EPHA3: variants seen among roughly 807,000 people sequenced by gnomAD.
The protein encoded by EPHA3 is ephrin type-A receptor 3.
EPHA3 carries 42 observed loss-of-function variants against 107.1 expected under a neutral mutation model. The observed-to-expected ratio is 0.39, with a 90% CI of 0.31 to 0.51. The LOEUF (loss-of-function observed/expected upper bound fraction) is 0.51. EPHA3 is among the 20% of genes least tolerant of loss of function. The probability of loss-of-function intolerance (pLI) is 0.78; values close to 1 mark genes in which losing one functional copy is unlikely to be tolerated. For missense variants in EPHA3, 1,183 were observed against 1,211.2 expected, an observed-to-expected ratio of 0.98 and a Z score of 0.35; for synonymous variants, 461 against 424.8, an observed-to-expected ratio of 1.09 and a Z score of -1.05.
chr3:89,342,173 AGG>A, intron 5 of EPHA3, 83 bp downstream of exon 5: 1 of 1,271,950 alleles, frequency 7.9e-7, no homozygotes, highest in Non-Finnish European at 1.1e-6. Context: ...ACTGGGCGGA[AGG>A]AAAAAAAGAT....
intron 3 of EPHA3, among the ~76,000 whole-genome samples, chr3:89,308,909 T>G (rs1022017117): frequency 4.6e-5 from 7 of 152,146 alleles, no homozygotes; most frequent in Non-Finnish European, 7.4e-5. Context: ...ATTCAGTCTT[T>G]TCTTAGACTA....
At chr3:89,356,068 G>C (rs1707946717) in intron 5 of EPHA3, among the ~76,000 whole-genome samples, 1 of 139,322 alleles carries the variant, frequency 7.2e-6, no homozygotes, top group Non-Finnish European at 1.5e-5. Context: ...TCACCTATGA[G>C]TGAGAATATA....
At chr3:89,180,964 A>G (rs1221747776) in intron 2 of EPHA3, among the ~76,000 whole-genome samples, 1 of 151,976 alleles carries the variant, frequency 6.6e-6, no homozygotes, top group African/African-American at 2.4e-5. Context: ...TGATAAACCA[A>G]GTGACTGATA....
chr3:89,337,069 A>T (rs907228375), intron 3 of EPHA3, among the ~76,000 whole-genome samples: 1 of 151,736 alleles, frequency 6.6e-6, no homozygotes, highest in African/African-American at 2.4e-5. Context: ...AAAAAAAGAA[A>T]AAAAAAAAAA....
At chr3:89,386,956 A>AT (rs1351998200) in intron 5 of EPHA3, among the ~76,000 whole-genome samples, 1 of 152,172 alleles carries the variant, frequency 6.6e-6, no homozygotes, top group African/African-American at 2.4e-5. Context: ...GAATAGGTGT[A>AT]TTTAGCCAAT....
chr3:89,113,744 G>A (rs972209261), intron 1 of EPHA3, among the ~76,000 whole-genome samples: 5 of 110,264 alleles, frequency 4.5e-5, no homozygotes, highest in Admixed American at 1.1e-4. Context: ...GAGGTGGGGG[G>A]GGGCTGCATT....
intron 3 of EPHA3, among the ~76,000 whole-genome samples, chr3:89,270,438 T>C (rs890405737): frequency 2.6e-5 from 4 of 152,214 alleles, no homozygotes; most frequent in Middle Eastern, 3.4e-3. Context: ...GTTTTAGTCA[T>C]GTAGACAGCT....
intron 3 of EPHA3, among the ~76,000 whole-genome samples, chr3:89,222,755 A>C (rs1415449192): frequency 3.3e-5 from 5 of 151,988 alleles, no homozygotes; most frequent in Non-Finnish European, 7.4e-5. Context: ...CTGCTTTTAG[A>C]ATGAGGCAGC....
chr3:89,458,436 G>A (rs1393307988), intron 15 of EPHA3, among the ~76,000 whole-genome samples: 1 of 152,070 alleles, frequency 6.6e-6, no homozygotes, highest in Non-Finnish European at 1.5e-5. Flanking sequence ...GATTCAAACG[G>A]TATTAACAAA....
chr3:89,177,853 C>A (rs550896987), intron 2 of EPHA3, among the ~76,000 whole-genome samples: 15 of 152,098 alleles, frequency 9.9e-5, no homozygotes, highest in Non-Finnish European at 1.6e-4. Flanking sequence ...TTCCCTCACT[C>A]GTTTTATTCT....
At chr3:89,147,273 C>T (rs1704582137) in intron 2 of EPHA3, among the ~76,000 whole-genome samples, 1 of 151,604 alleles carries the variant, frequency 6.6e-6, no homozygotes, top group African/African-American at 2.4e-5. Context: ...ATAGGTACAT[C>T]AAACTGCCAT....
At chr3:89,437,320 C>T (rs756590204) in intron 13 of EPHA3, among the ~76,000 whole-genome samples, 7 of 151,878 alleles carry the variant, frequency 4.6e-5, no homozygotes, top group African/African-American at 9.7e-5. Context: ...CAGCTGCATA[C>T]CAAAGTTTGC....
Position 89,399,406 on chromosome 3 carries a change from T to A in EPHA3, c.1520T>A (p.Phe507Tyr). The change falls in exon 7 of 17, where the codon TTC becomes TAC. Residue 507 changes from phenylalanine to tyrosine, a missense_variant. Coordinates refer to ENST00000336596, the MANE Select transcript of EPHA3 (RefSeq NM_005233.6). ...SSLKPDTIYV[F>Y]QIRARTAAGY... ...CTCAAGCCTGACACTATATACGTAT[T>A]CCAAATCCGAGCCCGAACAGCCGCT... 6.2e-7 allele frequency: 1 copy of A among 1,614,074 alleles called. No homozygotes were observed. Among genetic ancestry groups the A allele is most frequent in the Non-Finnish European group, 8.5e-7 (1 of 1,180,012 alleles).
At chr3:89,446,879 A>T (rs1029809907) in intron 13 of EPHA3, among the ~76,000 whole-genome samples, 4 of 152,110 alleles carry the variant, frequency 2.6e-5, no homozygotes, top group African/African-American at 9.7e-5. Flanking sequence ...CAGTTAGAAA[A>T]ATGACAAGTG....
At chr3:89,143,436 C>A (rs1464207174) in intron 2 of EPHA3, among the ~76,000 whole-genome samples, 1 of 151,342 alleles carries the variant, frequency 6.6e-6, no homozygotes, top group East Asian at 1.9e-4. Context: ...AAGCTAGAAA[C>A]AAGTCTTACC....
chr3:89,211,923 G>A (rs1704110641), intron 3 of EPHA3, among the ~76,000 whole-genome samples: 1 of 151,700 alleles, frequency 6.6e-6, no homozygotes, highest in African/African-American at 2.4e-5. Context: ...TGTTTAGAGA[G>A]AGAAAATAAA....
intron 8 of EPHA3, 67 bp from the exon 9 acceptor site, chr3:89,408,000 T>G: frequency 7.0e-7 from 1 of 1,422,054 alleles, no homozygotes; most frequent in Non-Finnish European, 9.7e-7. Flanking sequence ...CTTTGCACAT[T>G]CTGAGCATAG....
At chr3:89,292,257 C>A (rs953705233) in intron 3 of EPHA3, among the ~76,000 whole-genome samples, 1 of 152,076 alleles carries the variant, frequency 6.6e-6, no homozygotes, top group African/African-American at 2.4e-5. Flanking sequence ...AGTAATAATA[C>A]AGCAATAAAA....
intron 5 of EPHA3, among the ~76,000 whole-genome samples, chr3:89,393,638 GACTT>G (rs1427154885): frequency 6.6e-6 from 1 of 152,120 alleles, no homozygotes; most frequent in Non-Finnish European, 1.5e-5. Flanking sequence ...TCCGTTAATG[GACTT>G]ACTTCAGCAG....
Sources: allele counts gnomAD v4.1 joint callset (sites outside exome capture counted in the v4.1 genomes callset), GRCh38; gene constraint gnomAD v4.1.1; transcripts MANE v1.5; gene names NCBI Gene and HGNC (gene_info 2026-07-23, HGNC 2026-07-21).